The following ATF2 variants were observed in gnomAD, a reference collection of about 807,000 sequenced individuals.
ATF2 encodes the protein cyclic AMP-dependent transcription factor ATF-2.
In ATF2, 24 loss-of-function variants were observed where a neutral mutation model predicts 60.6. The observed-to-expected ratio is 0.40, with a 90% CI of 0.29 to 0.56. The LOEUF (loss-of-function observed/expected upper bound fraction) is 0.56, where lower values mean the gene tolerates loss of function less well. Ranked by LOEUF, ATF2 falls within the 20% of genes least tolerant of loss-of-function variation. The pLI, the probability that ATF2 is intolerant of heterozygous loss-of-function variation, is 0.54. For missense variants in ATF2, 433 were observed against 607.7 expected, an observed-to-expected ratio of 0.71 and a Z score of 3.02; for synonymous variants, 206 against 215.4, an observed-to-expected ratio of 0.96 and a Z score of 0.38.
intron 1 of ATF2, among the ~76,000 whole-genome samples, chr2:175,160,095 A>G (rs1333806821): frequency 1.3e-5 from 2 of 152,218 alleles, no homozygotes; most frequent in African/African-American, 4.8e-5. Flanking sequence ...CAAATAAAAT[A>G]CACTACCGGC....
chr2:175,117,915 T>G, intron 7 of ATF2, 75 bp downstream of exon 7: 1 of 1,432,128 alleles, frequency 7.0e-7, no homozygotes, highest in Non-Finnish European at 9.3e-7. Flanking sequence ...CATTAACATT[T>G]TATGGAGATT....
At chr2:175,166,622 T>C (rs1214775868) in intron 1 of ATF2, among the ~76,000 whole-genome samples, 2 of 152,226 alleles carry the variant, frequency 1.3e-5, no homozygotes, top group Non-Finnish European at 2.9e-5. Context: ...ACCTGTAGGT[T>C]TGACTTTTTA....
At position 175,074,629 on chromosome 2, in the gene ATF2, A is replaced by G. The variant is rs201072854; in HGVS notation, c.1498T>C (p.Ser500Pro). 4 of 1,612,676 alleles carry G rather than the reference A, an allele frequency of 2.5e-6. No individual in the cohort carries two copies. The African/African-American group carries it at 5.3e-5, about 22-fold the overall frequency. The change falls in exon 14 of 14, where the codon TCA becomes CCA. Residue 500 changes from serine (S) to proline (P), a missense_variant. This residue lies in a region of ATF2 where 114 missense variants were observed against 104.0 expected (regional missense o/e 1.10). Transcript: ENST00000264110. ...TTTAATCAACTTCCTGAGGGCTGTGACTGGGAGGAAGGAGCCATAACGATC... is the reference window on the plus strand; with the variant it reads ...TTTAATCAACTTCCTGAGGGCTGTGGCTGGGAGGAAGGAGCCATAACGATC... ...SQIVMAPSSQ[S>P]QPSGS
intron 3 of ATF2, chr2:175,132,602 A>T (rs762584072): frequency 2.6e-5 from 4 of 152,198 alleles, no homozygotes; most frequent in Non-Finnish European, 5.9e-5. Flanking sequence ...CAGTGGCTTT[A>T]TAAGAATTGG....
intron 7 of ATF2, among the ~76,000 whole-genome samples, chr2:175,115,207 G>GA: frequency 6.6e-6 from 1 of 151,734 alleles, no homozygotes; most frequent in Non-Finnish European, 1.5e-5. Context: ...GAGAATCACA[G>GA]AACTTAAAAT....
At chr2:175,081,375 A>G (rs1330032214) in intron 12 of ATF2, among the ~76,000 whole-genome samples, 2 of 152,226 alleles carry the variant, frequency 1.3e-5, no homozygotes, top group Admixed American at 1.3e-4. Flanking sequence ...CTAAATTTAA[A>G]TCTGCTAAGT....
intron 10 of ATF2, 78 bp from the exon 11 acceptor site, chr2:175,097,671 A>G: frequency 6.7e-7 from 1 of 1,498,784 alleles, no homozygotes; most frequent in Non-Finnish European, 9.1e-7. Context: ...AAACAATAGC[A>G]CCTTGGGTAG....
chr2:175,126,325 C>T (rs956528992), intron 4 of ATF2, among the ~76,000 whole-genome samples: 3 of 152,160 alleles, frequency 2.0e-5, no homozygotes, highest in Non-Finnish European at 4.4e-5. Context: ...GCTTAGCTTT[C>T]ACCCTTCCAT....
chr2:175,086,686 G>A (rs1481352077), intron 12 of ATF2, among the ~76,000 whole-genome samples: 3 of 152,110 alleles, frequency 2.0e-5, no homozygotes, highest in Non-Finnish European at 4.4e-5. Flanking sequence ...TGGAATTACA[G>A]GAGTGAGCCA....
At chr2:175,083,300 T>G (rs1693896739) in intron 12 of ATF2, among the ~76,000 whole-genome samples, 1 of 151,946 alleles carries the variant, frequency 6.6e-6, no homozygotes, top group Non-Finnish European at 1.5e-5. Context: ...AAAACAGAGA[T>G]ATAGATCAAT....
At chr2:175,137,315 T>G (rs1284703716) in intron 2 of ATF2, among the ~76,000 whole-genome samples, 1 of 152,144 alleles carries the variant, frequency 6.6e-6, no homozygotes, top group Non-Finnish European at 1.5e-5. Context: ...GTTCCATTTC[T>G]TCACTCACAT....
At chr2:175,083,635 T>C (rs1153690) in intron 12 of ATF2, among the ~76,000 whole-genome samples, 31,383 of 151,882 alleles carry the variant, frequency 0.21, 3,896 homozygotes, top group African/African-American at 0.36. Flanking sequence ...AAAGCCAAAA[T>C]TGACAAATGG....
chr2:175,150,379 T>C (rs1209726834), intron 2 of ATF2, among the ~76,000 whole-genome samples: 2 of 152,144 alleles, frequency 1.3e-5, no homozygotes, highest in African/African-American at 4.8e-5. Context: ...TACGCCAGAC[T>C]ACATTTATTA....
At position 175,118,023 on chromosome 2, in the gene ATF2, T is replaced by C. The variant is rs1696702188; in HGVS notation, c.414A>G (p.Leu138=). 3 of 1,611,480 alleles carry C rather than the reference T, an allele frequency of 1.9e-6. No homozygotes were observed. Among genetic ancestry groups the C allele is most frequent in the South Asian group, 2.2e-5 (2 of 90,818 alleles). Residue 138 remains leucine (L), a synonymous_variant, in exon 7 of 14, where the codon TTA becomes TTG. Transcript: ENST00000264110. ...VVETTHQDSP[L]PHPESTTSDE... is the part of the protein sequence containing the mutation. ...CACTGGTAGTAGACTCTGGGTGAGG[T>C]AAAGGACTATCCTGGTGAGTTGTTT... is the stretch of plus-strand genomic sequence containing the variant.
At chr2:175,102,873 G>A (rs1695401860) in intron 10 of ATF2, among the ~76,000 whole-genome samples, 1 of 151,978 alleles carries the variant, frequency 6.6e-6, no homozygotes. Flanking sequence ...AAACAAAAAT[G>A]TCTTCATTAT....
chr2:175,088,591 A>G (rs189484055), intron 12 of ATF2, among the ~76,000 whole-genome samples: 162 of 152,026 alleles, frequency 1.1e-3, no homozygotes, highest in African/African-American at 3.9e-3. Context: ...TTTGCCATTA[A>G]AAGTATGTTT....
At chr2:175,143,942 T>C (rs1698769789) in intron 2 of ATF2, among the ~76,000 whole-genome samples, 1 of 152,072 alleles carries the variant, frequency 6.6e-6, no homozygotes, top group East Asian at 1.9e-4. Flanking sequence ...CACAGGTGTA[T>C]ACCACCATCT....
intron 12 of ATF2, among the ~76,000 whole-genome samples, chr2:175,091,812 G>A (rs1306288435): frequency 2.0e-5 from 3 of 152,216 alleles, no homozygotes; most frequent in South Asian, 2.1e-4. Context: ...GCAGTGAGCC[G>A]AGATTGCACC....
chr2:175,148,162 T>A (rs189156166), intron 2 of ATF2, among the ~76,000 whole-genome samples: 1 of 152,144 alleles, frequency 6.6e-6, no homozygotes, highest in East Asian at 1.9e-4. Context: ...GTTTCTGTGA[T>A]GCCCAACTAT....
Sources: allele counts gnomAD v4.1 joint callset (sites outside exome capture counted in the v4.1 genomes callset), GRCh38; gene constraint gnomAD v4.1.1; regional missense constraint gnomAD v4.1.1; transcripts MANE v1.5; gene names NCBI Gene and HGNC (gene_info 2026-07-23, HGNC 2026-07-21).